GC: variants seen among roughly 807,000 people sequenced by gnomAD.
The protein encoded by GC is GC vitamin D binding protein.
Under a neutral mutation model 56.7 loss-of-function variants are expected in GC, and 43 were observed. The observed-to-expected ratio is 0.76, with a 90% CI of 0.59 to 0.98. The LOEUF (loss-of-function observed/expected upper bound fraction) is 0.98. Ranked by LOEUF, GC falls within the 50% of genes least tolerant of loss-of-function variation. GC has a pLI of 0.00. For synonymous variants in GC, 216 were observed against 202.7 expected (o/e 1.07, Z -0.56); for missense variants, 529 against 545.9 (o/e 0.97, Z 0.31).
intron 1 of GC, among the ~76,000 whole-genome samples, chr4:71,801,806 A>C (rs1743260255): frequency 6.6e-6 from 1 of 151,980 alleles, no homozygotes; most frequent in Non-Finnish European, 1.5e-5. Context: ...ACTGGATGTC[A>C]CTTTTTAAAT....
intron 1 of GC, among the ~76,000 whole-genome samples, chr4:71,799,561 CA>C (rs896120264): frequency 5.9e-5 from 9 of 152,132 alleles, no homozygotes; most frequent in African/African-American, 2.2e-4. Flanking sequence ...AGAGGTAAGC[CA>C]GGGGGACCTG....
upstream of GC, among the ~76,000 whole-genome samples, chr4:71,788,873 T>C (rs957728395): frequency 1.3e-5 from 2 of 151,918 alleles, no homozygotes; most frequent in Non-Finnish European, 2.9e-5. Flanking sequence ...AAATATATAG[T>C]CATAACTAGT....
At chr4:71,799,610 T>C (rs1427887553) in intron 1 of GC, among the ~76,000 whole-genome samples, 1 of 152,180 alleles carries the variant, frequency 6.6e-6, no homozygotes, top group African/African-American at 2.4e-5. Context: ...TACTCAGCTC[T>C]AAAGTGTGGG....
At chr4:71,751,613 G>T (rs1560690885) in intron 11 of GC, among the ~76,000 whole-genome samples, 1 of 151,910 alleles carries the variant, frequency 6.6e-6, no homozygotes, top group East Asian at 1.9e-4. Context: ...AGGGGAAGGG[G>T]TTATTTTACT....
chr4:71,797,502 G>A (rs1411725242), intron 1 of GC, among the ~76,000 whole-genome samples: 1 of 152,386 alleles, frequency 6.6e-6, no homozygotes. Flanking sequence ...GAGCCAGGCA[G>A]GGGAGAGAAT....
At chr4:71,782,233 C>G (rs1742704563) in intron 1 of GC, among the ~76,000 whole-genome samples, 1 of 151,760 alleles carries the variant, frequency 6.6e-6, no homozygotes, top group Admixed American at 6.6e-5. Context: ...ACCAATCCCC[C>G]ACAATACAAG....
chr4:71,789,876 C>T (rs1275996989), intron 1 of GC, among the ~76,000 whole-genome samples: 1 of 151,786 alleles, frequency 6.6e-6, no homozygotes, highest in Admixed American at 6.6e-5. Context: ...GATGGGATTG[C>T]TGACTTTGAA....
At chr4:71,755,265 C>T (rs541934907) in intron 8 of GC, among the ~76,000 whole-genome samples, 158 bp from the exon 9 acceptor site, 3 of 151,862 alleles carry the variant, frequency 2.0e-5, no homozygotes, top group East Asian at 1.9e-4. Context: ...TGGGTTCAAG[C>T]GATTCTCATG....
rs752527973 is a variant in GC, at chr4:71,763,393, G to A, written c.701+15C>T. On this transcript the variant is annotated intron_variant, in intron 6 of 12. Coordinates refer to ENST00000273951, the MANE Select transcript of GC (RefSeq NM_000583.4). Reference sequence around the variant, plus strand: ...AACCAAACATCTAAATATGACAATAGCACTTAATCTTTACCTGAGCCTTGA... The same window carrying A: ...AACCAAACATCTAAATATGACAATAACACTTAATCTTTACCTGAGCCTTGA... 2.9e-6 allele frequency: 4 copies of A among 1,359,046 alleles called. No homozygotes were observed. Among genetic ancestry groups the A allele is most frequent in the Admixed American group, 3.4e-5 (2 of 58,886 alleles). The allele number at this position is 1,359,046 out of a possible 1,614,324, so 84.2% of individuals were successfully genotyped here.
Position 71,763,913 on chromosome 4 carries a change from T to C in GC, c.497A>G (p.Asn166Ser). 6 of 1,611,784 alleles carry C rather than the reference T, an allele frequency of 3.7e-6. No homozygotes were observed. The highest frequency in any genetic ancestry group is 1.1e-5 in the South Asian group (1 of 91,044). Residue 166 changes from asparagine to serine, a missense_variant, in exon 5 of 13, where the codon AAT (asparagine) becomes AGT (serine). By Grantham distance (46) the Asn-to-Ser change is conservative. Coordinates refer to ENST00000273951, the MANE Select transcript of GC (RefSeq NM_000583.4). ...AAGTGACAGAGGAGCTTGTCCGTAATTAGTGGAATATTCCCACATAAATCT... is the reference window on the plus strand; with the variant it reads ...AAGTGACAGAGGAGCTTGTCCGTAACTAGTGGAATATTCCCACATAAATCT... ...ANQFMWEYST[N>S]YGQAPLSLLV... is the part of the protein sequence containing the mutation.
chr4:71,803,188 C>T (rs1043285250), intron 1 of GC, among the ~76,000 whole-genome samples: 1 of 152,160 alleles, frequency 6.6e-6, no homozygotes, highest in Non-Finnish European at 1.5e-5. Context: ...TGACTTATAT[C>T]AGTCAACATT....
intron 11 of GC, 29 bp from the exon 12 acceptor site, chr4:71,746,234 CT>C: frequency 9.5e-7 from 1 of 1,052,658 alleles, no homozygotes; most frequent in Non-Finnish European, 1.5e-6. Context: ...TGTTATATAA[CT>C]TATGAAGTAT....
chr4:71,767,512 A>C (rs1212465193), intron 3 of GC, among the ~76,000 whole-genome samples: 2 of 151,864 alleles, frequency 1.3e-5, no homozygotes, highest in East Asian at 3.9e-4. Context: ...AGCACTTGGT[A>C]CCAGTCCTGG....
chr4:71,783,575 G>A (rs1490825278), intron 1 of GC, among the ~76,000 whole-genome samples: 1 of 151,718 alleles, frequency 6.6e-6, no homozygotes, highest in African/African-American at 2.4e-5. Flanking sequence ...ACACTCAATG[G>A]TAATAAATAT....
upstream of GC, among the ~76,000 whole-genome samples, chr4:71,788,729 T>C (rs1177536306): frequency 6.7e-6 from 1 of 150,148 alleles, no homozygotes; most frequent in African/African-American, 2.4e-5. Flanking sequence ...AAGAAAGAAA[T>C]TGAAAATAGA....
chr4:71,770,190 C>T (rs977462764), intron 1 of GC, among the ~76,000 whole-genome samples: 1 of 152,096 alleles, frequency 6.6e-6, no homozygotes. Context: ...GATGGGCTTG[C>T]TAAGTGGCCT....
At chr4:71,754,035 T>C (rs1741639836) in intron 10 of GC, among the ~76,000 whole-genome samples, 1 of 152,230 alleles carries the variant, frequency 6.6e-6, no homozygotes, top group Non-Finnish European at 1.5e-5. Context: ...CTTCTTCTTA[T>C]ACAGATGTTA....
chr4:71,786,269 C>T (rs946682747), upstream of GC, among the ~76,000 whole-genome samples: 1 of 151,674 alleles, frequency 6.6e-6, no homozygotes, highest in African/African-American at 2.4e-5. Flanking sequence ...ATTTATGTAA[C>T]TTTCCTTAAT....
intron 10 of GC, among the ~76,000 whole-genome samples, chr4:71,753,014 A>G (rs1428683837): frequency 6.6e-6 from 1 of 152,152 alleles, no homozygotes; most frequent in African/African-American, 2.4e-5. Context: ...ACAGGACCTC[A>G]TACCAGCTTA....
Sources: allele counts gnomAD v4.1 joint callset (sites outside exome capture counted in the v4.1 genomes callset), GRCh38; gene constraint gnomAD v4.1.1; transcripts MANE v1.5; gene names NCBI Gene and HGNC (gene_info 2026-07-23, HGNC 2026-07-21).